The following ADARB2 variants were observed in gnomAD, a reference collection of about 807,000 sequenced individuals.
ADARB2 encodes adenosine deaminase RNA specific B2 (inactive).
Under a neutral mutation model 62.2 loss-of-function variants are expected in ADARB2, and 25 were observed. That is an observed-to-expected ratio of 0.40 (90% CI 0.29 to 0.56). The LOEUF (loss-of-function observed/expected upper bound fraction) is 0.56, where lower values mean the gene tolerates loss of function less well. Among genes scored for constraint, ADARB2 ranks in the 20% least tolerant of loss-of-function variants. ADARB2 has a pLI of 0.43. For synonymous variants in ADARB2, 572 were observed against 500.8 expected (o/e 1.14, Z -1.90); for missense variants, 1,071 against 1,077.4 (o/e 0.99, Z 0.08).
At chr10:1,409,498 C>G (rs111543395) in intron 1 of ADARB2, among the ~76,000 whole-genome samples, 12 of 145,732 alleles carry the variant, frequency 8.2e-5, no homozygotes, top group South Asian at 2.2e-4. Context: ...GGGAAGGATT[C>G]TCAGTGGTGC....
At position 1,630,956 on chromosome 10, in the gene ADARB2, A is replaced by AAAACAAACAAAC. The variant is rs57053077; in HGVS notation, c.100+106083_100+106094dup. Among the ~76,000 whole-genome samples the AAAACAAACAAAC allele has an allele frequency of 6.7e-5, 10 of 149,480 alleles. No individual in the cohort carries two copies. In the South Asian group the frequency reaches 1.7e-3, roughly 26 times the overall value. ...GGTGACAGAGCGAGACTCCTTCTCA[A>AAAACAAACAAAC]AAACAAACAAACAAACAAACAAACA... On this transcript the variant is annotated intron_variant, in intron 1 of 9. Transcript: ENST00000381312.
At chr10:1,308,775 C>G (rs1335615026) in intron 3 of ADARB2, among the ~76,000 whole-genome samples, 1 of 152,160 alleles carries the variant, frequency 6.6e-6, no homozygotes, top group East Asian at 1.9e-4. Context: ...ATTAGCAGGT[C>G]AGGGAGCTCT....
chr10:1,689,274 T>C (rs1232072836), intron 1 of ADARB2, among the ~76,000 whole-genome samples: 6 of 152,166 alleles, frequency 3.9e-5, no homozygotes, highest in African/African-American at 1.4e-4. Flanking sequence ...GTTGAATTGT[T>C]TGATGATAAA....
At chr10:1,686,109 G>T (rs1050388805) in intron 1 of ADARB2, among the ~76,000 whole-genome samples, 2 of 152,202 alleles carry the variant, frequency 1.3e-5, no homozygotes, top group Non-Finnish European at 2.9e-5. Context: ...GGGCTATTAG[G>T]CTTTTCACCT....
At chr10:1,591,767 T>C (rs1264623001) in intron 1 of ADARB2, among the ~76,000 whole-genome samples, 1 of 152,212 alleles carries the variant, frequency 6.6e-6, no homozygotes, top group Non-Finnish European at 1.5e-5. Context: ...TGATTCCACT[T>C]ATGCCTCCCA....
intron 1 of ADARB2, among the ~76,000 whole-genome samples, chr10:1,657,185 A>T (rs1004974141): frequency 2.0e-5 from 3 of 152,162 alleles, no homozygotes; most frequent in African/African-American, 7.2e-5. Flanking sequence ...CAGGTGGCCA[A>T]TTTCTTCTGA....
chr10:1,584,421 A>C (rs1833148068), intron 1 of ADARB2, among the ~76,000 whole-genome samples: 1 of 152,200 alleles, frequency 6.6e-6, no homozygotes, highest in African/African-American at 2.4e-5. Context: ...GCATGGCCAA[A>C]ATCCAGAACA....
At chr10:1,459,750 A>G (rs1831143266) in intron 1 of ADARB2, among the ~76,000 whole-genome samples, 1 of 152,168 alleles carries the variant, frequency 6.6e-6, no homozygotes, top group Non-Finnish European at 1.5e-5. Flanking sequence ...GACAAGATTG[A>G]AACTCTGTCT....
intron 3 of ADARB2, among the ~76,000 whole-genome samples, chr10:1,274,176 G>C (rs1831291731): frequency 1.3e-5 from 2 of 152,264 alleles, no homozygotes; most frequent in Admixed American, 6.5e-5. Flanking sequence ...GGGCAGGCGA[G>C]GGCAGCACCG....
At chr10:1,611,090 A>G (rs1017130385) in intron 1 of ADARB2, among the ~76,000 whole-genome samples, 2 of 152,006 alleles carry the variant, frequency 1.3e-5, no homozygotes, top group Admixed American at 1.3e-4. Context: ...GTAGTCCTAA[A>G]CCTCCCCAAA....
chr10:1,525,581 C>CA (rs1481365735), intron 1 of ADARB2, among the ~76,000 whole-genome samples: 2 of 152,078 alleles, frequency 1.3e-5, no homozygotes, highest in African/African-American at 4.8e-5. Flanking sequence ...TTCCTGTCGG[C>CA]TCTGTGGGTT....
chr10:1,602,912 C>A (rs992410095), intron 1 of ADARB2, among the ~76,000 whole-genome samples: 3 of 151,892 alleles, frequency 2.0e-5, no homozygotes, highest in African/African-American at 4.8e-5. Flanking sequence ...TGAACACACA[C>A]CTGTATATAC....
intron 1 of ADARB2, among the ~76,000 whole-genome samples, chr10:1,386,980 A>G (rs1404457265): frequency 6.6e-6 from 1 of 151,980 alleles, no homozygotes; most frequent in Non-Finnish European, 1.5e-5. Flanking sequence ...GAAAATCTGT[A>G]TATACTCAGA....
At chr10:1,280,772 G>A (rs1462603789) in intron 3 of ADARB2, among the ~76,000 whole-genome samples, 7 of 152,206 alleles carry the variant, frequency 4.6e-5, no homozygotes, top group East Asian at 1.9e-4. Flanking sequence ...GTGACGCTCC[G>A]TGAAATTCCT....
chr10:1,495,127 GA>G (rs1237918872), intron 1 of ADARB2, among the ~76,000 whole-genome samples: 12 of 152,214 alleles, frequency 7.9e-5, no homozygotes, highest in Admixed American at 3.9e-4. Flanking sequence ...TAGCTGATTG[GA>G]AAATTGCTTT....
intron 1 of ADARB2, among the ~76,000 whole-genome samples, chr10:1,645,088 AGAG>A (rs1834023369): frequency 6.6e-6 from 1 of 152,258 alleles, no homozygotes; most frequent in African/African-American, 2.4e-5. Flanking sequence ...CTGGTGTCAG[AGAG>A]GAGAATCAGT....
intron 1 of ADARB2, among the ~76,000 whole-genome samples, chr10:1,550,358 C>T (rs1832598877): frequency 6.6e-6 from 1 of 152,220 alleles, no homozygotes; most frequent in South Asian, 2.1e-4. Flanking sequence ...TGGCCTGACA[C>T]GGCGAACAGC....
At chr10:1,510,352 T>C (rs1409825856) in intron 1 of ADARB2, among the ~76,000 whole-genome samples, 2 of 151,984 alleles carry the variant, frequency 1.3e-5, no homozygotes. Flanking sequence ...AGCAAATTTT[T>C]TGACATTTCT....
intron 8 of ADARB2, among the ~76,000 whole-genome samples, chr10:1,193,469 G>C (rs985873408): frequency 6.6e-6 from 1 of 152,202 alleles, no homozygotes; most frequent in African/African-American, 2.4e-5. Flanking sequence ...GGGGTCTTTT[G>C]CTGTTCCAAA....
Sources: allele counts gnomAD v4.1 joint callset (sites outside exome capture counted in the v4.1 genomes callset), GRCh38; gene constraint gnomAD v4.1.1; transcripts MANE v1.5; gene names NCBI Gene and HGNC (gene_info 2026-07-23, HGNC 2026-07-21).